The following THSD4 variants were observed in gnomAD, a reference collection of about 807,000 sequenced individuals.
THSD4 encodes thrombospondin type-1 domain-containing protein 4.
THSD4 carries 69 observed loss-of-function variants against 119.0 expected under a neutral mutation model. The ratio of observed to expected loss-of-function variants is 0.58; its 90% CI spans 0.48 to 0.71. The LOEUF is 0.71. Among genes scored for constraint, THSD4 ranks in the 30% least tolerant of loss-of-function variants. The probability of loss-of-function intolerance (pLI) is 0.00; values close to 1 mark genes in which losing one functional copy is unlikely to be tolerated. For missense variants in THSD4, 1,393 were observed against 1,391.1 expected, an observed-to-expected ratio of 1.00 and a Z score of -0.02; for synonymous variants, 524 against 540.4, an observed-to-expected ratio of 0.97 and a Z score of 0.42.
At chr15:71,619,289 T>TA (rs2050377751) in intron 7 of THSD4, among the ~76,000 whole-genome samples, 1 of 152,184 alleles carries the variant, frequency 6.6e-6, no homozygotes, top group Admixed American at 6.5e-5. Flanking sequence ...TTATTTTCTA[T>TA]ATCTTTCTGC....
intron 3 of THSD4, among the ~76,000 whole-genome samples, chr15:71,203,863 C>A (rs572865455): frequency 6.6e-6 from 1 of 152,260 alleles, no homozygotes; most frequent in Non-Finnish European, 1.5e-5. Context: ...CTTTGTTAAG[C>A]GGCATGCTGA....
intron 3 of THSD4, among the ~76,000 whole-genome samples, chr15:71,157,353 G>A (rs1027548724): frequency 3.9e-5 from 6 of 152,052 alleles, no homozygotes; most frequent in African/African-American, 1.4e-4. Context: ...ACATATTTAT[G>A]CATACAATTT....
intron 15 of THSD4, among the ~76,000 whole-genome samples, chr15:71,764,667 G>A (rs1396481924): frequency 6.6e-6 from 1 of 152,230 alleles, no homozygotes; most frequent in Non-Finnish European, 1.5e-5. Flanking sequence ...CCTGTGAGAG[G>A]TGCCAGAGTC....
At chr15:71,218,711 C>G (rs766668667) in intron 4 of THSD4, among the ~76,000 whole-genome samples, 1 of 152,036 alleles carries the variant, frequency 6.6e-6, no homozygotes, top group Admixed American at 6.6e-5. Flanking sequence ...TATATTTGAC[C>G]CCAAGGAGAA....
intron 7 of THSD4, among the ~76,000 whole-genome samples, chr15:71,628,636 A>T (rs537166673): frequency 6.6e-6 from 1 of 152,192 alleles, no homozygotes; most frequent in Non-Finnish European, 1.5e-5. Context: ...CTCCCAGGCA[A>T]TGTTGATGCT....
intron 8 of THSD4, among the ~76,000 whole-genome samples, chr15:71,684,498 C>G (rs563936407): frequency 6.8e-6 from 1 of 147,964 alleles, no homozygotes; most frequent in South Asian, 2.2e-4. Flanking sequence ...GTAAGAAAGT[C>G]TATTTCTAAT....
chr15:71,161,640 C>T (rs952455946), intron 3 of THSD4, among the ~76,000 whole-genome samples: 4 of 151,490 alleles, frequency 2.6e-5, no homozygotes, highest in South Asian at 2.1e-4. Flanking sequence ...TCTTTAATGG[C>T]GAGGTGAGTT....
chr15:71,139,640 A>C (rs1413063461), intron 1 of THSD4, among the ~76,000 whole-genome samples: 2 of 152,204 alleles, frequency 1.3e-5, no homozygotes, highest in East Asian at 3.8e-4. Context: ...AATAACCCGC[A>C]GAAAGGGCCT....
chr15:71,478,839 T>A (rs2047685831), intron 7 of THSD4, among the ~76,000 whole-genome samples: 1 of 152,202 alleles, frequency 6.6e-6, no homozygotes, highest in South Asian at 2.1e-4. Flanking sequence ...TCTGAGAGGT[T>A]ATTCCTCTTG....
intron 7 of THSD4, among the ~76,000 whole-genome samples, chr15:71,579,970 T>G (rs1595900747): frequency 2.0e-5 from 3 of 152,130 alleles, no homozygotes; most frequent in Non-Finnish European, 1.5e-5. Flanking sequence ...TAGCATTTAT[T>G]AAGCAACCAC....
Position 71,411,748 on chromosome 15 carries a change from G to A in THSD4, c.1077G>A (p.Arg359=), listed in dbSNP as rs756248435. 3.1e-6 allele frequency: 5 copies of A among 1,613,992 alleles called. No individual in the cohort carries two copies. In the East Asian group the frequency reaches 1.1e-4, roughly 36 times the overall value. The change falls in exon 7 of 18, where the codon CGG becomes CGA. Residue 359 remains arginine, a synonymous_variant. Transcript: ENST00000261862. ...CQAMGYRFYV[R]QAEKVIDGTP... ...CAATGGGCTACCGCTTCTATGTACG[G>A]CAAGCTGAGAAAGTCATCGATGGCA...
At chr15:71,426,146 C>T (rs1427453327) in intron 7 of THSD4, among the ~76,000 whole-genome samples, 1 of 152,240 alleles carries the variant, frequency 6.6e-6, no homozygotes, top group Non-Finnish European at 1.5e-5. Context: ...TTTCCTGCGG[C>T]TCTGCCATCC....
intron 7 of THSD4, chr15:71,547,780 A>T (rs2048860704): frequency 4.6e-6 from 1 of 217,464 alleles, no homozygotes. Context: ...CTGTAGCAGA[A>T]AAAAAAAAAG....
At chr15:71,239,309 C>T (rs1008155598) in intron 4 of THSD4, among the ~76,000 whole-genome samples, 1 of 152,176 alleles carries the variant, frequency 6.6e-6, no homozygotes, top group Non-Finnish European at 1.5e-5. Context: ...CCAGCACTTC[C>T]ACGACCCTGA....
chr15:71,719,524 C>G (rs1053592930), intron 8 of THSD4, among the ~76,000 whole-genome samples: 17 of 152,128 alleles, frequency 1.1e-4, no homozygotes, highest in Non-Finnish European at 2.4e-4. Context: ...GAAAGAAGGA[C>G]ATTTTGGAGA....
intron 6 of THSD4, among the ~76,000 whole-genome samples, chr15:71,298,404 T>C (rs532296548): frequency 2.0e-5 from 3 of 152,146 alleles, no homozygotes; most frequent in Non-Finnish European, 4.4e-5. Flanking sequence ...TTTAAAGGCC[T>C]CCTTCTGTTA....
intron 10 of THSD4, among the ~76,000 whole-genome samples, chr15:71,734,870 A>G (rs1039565890): frequency 6.6e-6 from 1 of 151,306 alleles, no homozygotes; most frequent in African/African-American, 2.4e-5. Flanking sequence ...TGCCCTTCCC[A>G]GAGGGAGTCT....
intron 7 of THSD4, among the ~76,000 whole-genome samples, chr15:71,571,345 C>T (rs1288838868): frequency 6.6e-6 from 1 of 152,034 alleles, no homozygotes; most frequent in African/African-American, 2.4e-5. Flanking sequence ...GTTTCCTATG[C>T]CTAGATAAAT....
chr15:71,682,184 C>T (rs961053035), intron 8 of THSD4, among the ~76,000 whole-genome samples: 2 of 152,188 alleles, frequency 1.3e-5, no homozygotes, highest in African/African-American at 4.8e-5. Flanking sequence ...TCTCAAAGCA[C>T]AAGTGAAAAA....
Sources: gnomAD v4.1 joint callset for allele counts (sites outside exome capture counted in the v4.1 genomes callset) on GRCh38, gnomAD v4.1.1 for gene constraint, MANE v1.5 for transcripts, NCBI Gene and HGNC (gene_info 2026-07-23, HGNC 2026-07-21) for gene names.